Variants in DAAM1 observed in about 807,000 individuals in gnomAD.
DAAM1 encodes disheveled-associated activator of morphogenesis 1.
DAAM1 carries 52 observed loss-of-function variants against 130.0 expected under a neutral mutation model. The observed-to-expected ratio is 0.40, with a 90% CI of 0.32 to 0.50. The LOEUF is 0.50. Ranked by LOEUF, DAAM1 falls within the 20% of genes least tolerant of loss-of-function variation. DAAM1 has a pLI of 0.61. For missense variants in DAAM1, 1,134 were observed against 1,303.8 expected, an observed-to-expected ratio of 0.87 and a Z score of 2.01; for synonymous variants, 452 against 444.5, an observed-to-expected ratio of 1.02 and a Z score of -0.21.
intron 1 of DAAM1, among the ~76,000 whole-genome samples, chr14:59,212,669 C>A (rs1157135815): frequency 3.3e-5 from 5 of 152,312 alleles, no homozygotes; most frequent in Admixed American, 3.3e-4. Context: ...AAGCAGCATT[C>A]TAATAGCCAC....
chr14:59,192,808 C>G (rs942476134), intron 1 of DAAM1, among the ~76,000 whole-genome samples: 1 of 152,206 alleles, frequency 6.6e-6, no homozygotes, highest in Non-Finnish European at 1.5e-5. Context: ...AATCCCAGCA[C>G]TTTGGGAGGC....
Position 59,326,613 on chromosome 14 carries a change from T to G in DAAM1, c.1278T>G (p.Pro426=). ...NDKGQDPDST[P]LENFNIKNVV... ...AAGGACAGGACCCTGACTCCACACC[T>G]TTGGAAAACTTTAATATTAAGAATG... The change falls in exon 11 of 25, where the codon CCT becomes CCG. Residue 426 remains proline, a synonymous_variant. Transcript: ENST00000360909. 1.2e-6 allele frequency: 2 copies of G among 1,613,564 alleles called. No individual in the cohort carries two copies. The highest frequency in any genetic ancestry group is 2.2e-5 in the South Asian group (2 of 90,914).
At chr14:59,357,333 A>G (rs2050647505) in intron 20 of DAAM1, 1 of 152,184 alleles carries the variant, frequency 6.6e-6, no homozygotes, top group Admixed American at 6.5e-5. Context: ...CCCCTTAGGT[A>G]AGAAGTCTCT....
chr14:59,201,669 C>T (rs1888109630), intron 1 of DAAM1, among the ~76,000 whole-genome samples: 1 of 151,944 alleles, frequency 6.6e-6, no homozygotes, highest in Non-Finnish European at 1.5e-5. Flanking sequence ...TAGTGGTACA[C>T]ATCTGTAGTC....
chr14:59,236,076 TC>T (rs35530428), intron 1 of DAAM1, among the ~76,000 whole-genome samples: 13 of 152,266 alleles, frequency 8.5e-5, no homozygotes, highest in South Asian at 2.1e-4. Context: ...TAAATTTTGT[TC>T]CCCCCAACCC....
chr14:59,212,735 AT>A lies in DAAM1; in HGVS notation c.-38+23976del, dbSNP rs577109644. On this transcript the variant is annotated intron_variant, in intron 1 of 24. Coordinates refer to ENST00000360909, the MANE Select transcript of DAAM1 (RefSeq NM_001270520.2). ...TCAGTGTAGGTAGTAGAATCTTTAA[AT>A]TTTTTTTTAAAGGCCATTGTTAGTA... Among the ~76,000 whole-genome samples the A allele has an allele frequency of 1.9e-3, 288 of 151,948 alleles. 1 individual carries two copies. The highest frequency in any genetic ancestry group is 6.5e-3 in the African/African-American group (268 of 41,442).
At chr14:59,288,957 C>T (rs1233801228) in intron 2 of DAAM1, among the ~76,000 whole-genome samples, 3 of 152,096 alleles carry the variant, frequency 2.0e-5, no homozygotes, top group African/African-American at 7.2e-5. Flanking sequence ...TGGTCTGTCA[C>T]CCAGGCTGGA....
chr14:59,212,871 G>C (rs1434982317), intron 1 of DAAM1, among the ~76,000 whole-genome samples: 1 of 152,176 alleles, frequency 6.6e-6, no homozygotes, highest in Non-Finnish European at 1.5e-5. Context: ...AAAAGAATCA[G>C]ATTCTCACAT....
intron 19 of DAAM1, 154 bp from the exon 20 acceptor site, chr14:59,355,011 G>A (rs1886422947): frequency 1.7e-5 from 17 of 1,018,084 alleles, no homozygotes; most frequent in South Asian, 1.8e-5. Context: ...TGGTGTAAGC[G>A]TTTTGAAAGT....
At chr14:59,245,575 A>T (rs1881333380) in intron 1 of DAAM1, among the ~76,000 whole-genome samples, 1 of 152,192 alleles carries the variant, frequency 6.6e-6, no homozygotes, top group Non-Finnish European at 1.5e-5. Context: ...TAAGGATAGT[A>T]ATATCTACTT....
At chr14:59,201,633 C>A (rs576602322) in intron 1 of DAAM1, among the ~76,000 whole-genome samples, 1 of 151,732 alleles carries the variant, frequency 6.6e-6, no homozygotes, top group Non-Finnish European at 1.5e-5. Flanking sequence ...TGCCTCACCC[C>A]CCTTCTAAAA....
chr14:59,297,555 C>T (rs1020013143), intron 3 of DAAM1, among the ~76,000 whole-genome samples: 2 of 152,122 alleles, frequency 1.3e-5, no homozygotes, highest in Admixed American at 1.3e-4. Context: ...GGAATCTGCT[C>T]AGTATGTAAT....
chr14:59,362,167 G>C (rs752779602), intron 22 of DAAM1: 3 of 151,926 alleles, frequency 2.0e-5, no homozygotes, highest in Non-Finnish European at 4.4e-5. Context: ...AGCCAGGTCA[G>C]AGCAAGGCCT....
chr14:59,353,864 T>C lies in DAAM1; in HGVS notation c.2268-12T>C. Reference sequence around the variant, plus strand: ...TAAATGAATATCAATTAGTACATGTTTGCTCTTACAGAATTAATCACTATC... The same window carrying C: ...TAAATGAATATCAATTAGTACATGTCTGCTCTTACAGAATTAATCACTATC... On this transcript the variant is annotated splice_polypyrimidine_tract_variant and intron_variant, in intron 18 of 24. Coordinates refer to ENST00000360909, the MANE Select transcript of DAAM1 (RefSeq NM_001270520.2). The C allele has an allele frequency of 6.2e-7, 1 of 1,612,938 alleles. No homozygotes were observed. The highest frequency in any genetic ancestry group is 1.1e-5 in the South Asian group (1 of 90,916).
At chr14:59,338,711 T>G (rs1413502323) in intron 15 of DAAM1, among the ~76,000 whole-genome samples, 1 of 152,158 alleles carries the variant, frequency 6.6e-6, no homozygotes, top group African/African-American at 2.4e-5. Flanking sequence ...TTCTTTACTT[T>G]TTTTTTAATG....
chr14:59,232,862 A>G (rs1193567298), intron 1 of DAAM1, among the ~76,000 whole-genome samples: 1 of 151,774 alleles, frequency 6.6e-6, no homozygotes, highest in Non-Finnish European at 1.5e-5. Flanking sequence ...CTCATTGCTC[A>G]GCTCCCACTT....
intron 1 of DAAM1, among the ~76,000 whole-genome samples, chr14:59,255,996 A>G (rs1253012): frequency 0.14 from 20,191 of 148,422 alleles, 1,568 homozygotes; most frequent in Middle Eastern, 0.19. Context: ...CTTGACTGCC[A>G]TTTCCACTAA....
rs1885566194 is a variant in DAAM1 at position 59,334,884 on chromosome 14, A to C, written c.1968+2964A>C. Among the ~76,000 whole-genome samples, 4 of 152,304 alleles carry C rather than the reference A, an allele frequency of 2.6e-5. No homozygotes were observed. The South Asian group carries it at 8.3e-4, about 32-fold the overall frequency. ...AAAGCAGAGATGAGAAAAAGCTGTA[A>C]ATAACTATAATATGGACTACAAGAT... On this transcript the variant is annotated intron_variant, in intron 15 of 24. Transcript: ENST00000360909.
chr14:59,307,096 C>CTGTGAAA (rs1347750763), intron 3 of DAAM1, among the ~76,000 whole-genome samples: 14 of 152,286 alleles, frequency 9.2e-5, no homozygotes, highest in Admixed American at 1.3e-4. Flanking sequence ...TTTTGCTAAG[C>CTGTGAAA]TGCAGTTATA....
Sources: allele counts gnomAD v4.1 joint callset (sites outside exome capture counted in the v4.1 genomes callset), GRCh38; gene constraint gnomAD v4.1.1; transcripts MANE v1.5; gene names NCBI Gene and HGNC (gene_info 2026-07-23, HGNC 2026-07-21).